Variants in CRADD observed in about 807,000 individuals in gnomAD.
CRADD encodes the protein death domain-containing protein CRADD.
In CRADD, 9 loss-of-function variants were observed where a neutral mutation model predicts 15.5. That is an observed-to-expected ratio of 0.58 (90% CI 0.35 to 1.01). The LOEUF (loss-of-function observed/expected upper bound fraction) is 1.01. Ranked by LOEUF, CRADD falls within the 50% of genes least tolerant of loss-of-function variation. The pLI is 0.02. For synonymous variants in CRADD, 118 were observed against 107.6 expected (o/e 1.10, Z -0.60); for missense variants, 227 against 250.3 (o/e 0.91, Z 0.63).
intron 2 of CRADD, among the ~76,000 whole-genome samples, chr12:93,688,464 C>T (rs1378615999): frequency 3.3e-5 from 5 of 149,482 alleles, no homozygotes; most frequent in African/African-American, 1.2e-4. Context: ...GAGCACACTC[C>T]ATCCTGGGTG....
intron 2 of CRADD, among the ~76,000 whole-genome samples, chr12:93,884,206 A>C (rs1432499943): frequency 6.6e-6 from 1 of 152,220 alleles, no homozygotes; most frequent in Non-Finnish European, 1.5e-5. Context: ...AAAGTACTGC[A>C]TTTTATTAAT....
intron 2 of CRADD, among the ~76,000 whole-genome samples, chr12:93,756,392 C>T (rs886064320): frequency 6.6e-6 from 1 of 152,178 alleles, no homozygotes; most frequent in Admixed American, 6.5e-5. Flanking sequence ...AGCACCCTCA[C>T]TAAAAGGAAT....
At chr12:93,725,686 A>G (rs1956350613) in intron 2 of CRADD, among the ~76,000 whole-genome samples, 1 of 152,240 alleles carries the variant, frequency 6.6e-6, no homozygotes, top group Non-Finnish European at 1.5e-5. Context: ...CTGTTAATGG[A>G]AAGCATTTGC....
chr12:93,702,055 C>G (rs1955853424), intron 2 of CRADD, among the ~76,000 whole-genome samples: 1 of 152,026 alleles, frequency 6.6e-6, no homozygotes, highest in African/African-American at 2.4e-5. Flanking sequence ...TTCCCTAGCT[C>G]CCTCTCACCA....
intron 2 of CRADD, among the ~76,000 whole-genome samples, chr12:93,774,000 A>ATTT (rs112039885): frequency 3.0e-5 from 4 of 131,836 alleles, no homozygotes; most frequent in East Asian, 2.2e-4. Flanking sequence ...CACCTGGCTA[A>ATTT]TTTTTTTTTT....
chr12:93,835,025 T>G (rs1310021597), intron 2 of CRADD, among the ~76,000 whole-genome samples: 1 of 152,264 alleles, frequency 6.6e-6, no homozygotes, highest in Non-Finnish European at 1.5e-5. Context: ...CACTGCATCC[T>G]TTATTGCCTG....
At chr12:93,737,468 C>T (rs538038411) in intron 2 of CRADD, among the ~76,000 whole-genome samples, 1 of 152,320 alleles carries the variant, frequency 6.6e-6, no homozygotes, top group East Asian at 1.9e-4. Context: ...AAACTTAGTA[C>T]TAATCTGCAT....
At chr12:93,782,847 C>G (rs1957227295) in intron 2 of CRADD, among the ~76,000 whole-genome samples, 1 of 152,020 alleles carries the variant, frequency 6.6e-6, no homozygotes, top group Admixed American at 6.5e-5. Flanking sequence ...AGGCCTAAGA[C>G]TCTTTAAAAA....
chr12:93,843,690 C>A (rs1295090362), intron 2 of CRADD, among the ~76,000 whole-genome samples: 3 of 150,946 alleles, frequency 2.0e-5, no homozygotes, highest in Non-Finnish European at 4.4e-5. Context: ...TAATTTAATG[C>A]TTTTCTTTAA....
intron 2 of CRADD, among the ~76,000 whole-genome samples, chr12:93,789,271 A>G (rs558069076): frequency 6.6e-6 from 1 of 151,970 alleles, no homozygotes; most frequent in East Asian, 1.9e-4. Flanking sequence ...CCTCCAGCGG[A>G]TTGCCTGGGA....
chr12:93,735,939 T>C (rs1016742294), intron 2 of CRADD, among the ~76,000 whole-genome samples: 5 of 151,750 alleles, frequency 3.3e-5, no homozygotes, highest in Admixed American at 6.6e-5. Flanking sequence ...AGGCCTGTAT[T>C]TCCATCTAGT....
chr12:93,780,746 T>A (rs954581339), intron 2 of CRADD, among the ~76,000 whole-genome samples: 1 of 151,972 alleles, frequency 6.6e-6, no homozygotes, highest in East Asian at 1.9e-4. Flanking sequence ...ATTACCTTTT[T>A]TTTTTTTTTG....
intron 2 of CRADD, chr12:93,815,476 T>G (rs1222244652): frequency 6.6e-6 from 1 of 152,226 alleles, no homozygotes; most frequent in Non-Finnish European, 1.5e-5. Flanking sequence ...ATACACAACA[T>G]TTTCTGTAAG....
intron 2 of CRADD, among the ~76,000 whole-genome samples, chr12:93,812,258 G>A (rs929515576): frequency 3.9e-5 from 6 of 152,152 alleles, no homozygotes; most frequent in African/African-American, 1.4e-4. Flanking sequence ...ATGTCGTTGT[G>A]TATTTGACAA....
intron 2 of CRADD, among the ~76,000 whole-genome samples, chr12:93,720,494 G>C (rs896077642): frequency 6.6e-6 from 1 of 152,116 alleles, no homozygotes; most frequent in African/African-American, 2.4e-5. Flanking sequence ...TGCTAGATAT[G>C]CCTATTTCTG....
At chr12:93,782,258 T>C (rs1337692354) in intron 2 of CRADD, among the ~76,000 whole-genome samples, 4 of 148,242 alleles carry the variant, frequency 2.7e-5, no homozygotes, top group African/African-American at 1.0e-4. Context: ...AACCAAACAC[T>C]GCATGTTCTC....
intron 2 of CRADD, among the ~76,000 whole-genome samples, chr12:93,752,019 AC>A (rs1380319664): frequency 6.6e-6 from 1 of 152,082 alleles, no homozygotes; most frequent in Non-Finnish European, 1.5e-5. Context: ...GCAAGTAACT[AC>A]CTGCAGTGTA....
rs191281216 is a variant in CRADD, at chr12:93,763,466, T to C, written c.298+84394T>C. ...AATATTTTCTTCTTTTTTTTTTTCATGTGGATAAACTGCCTCCCTCATTTT... is the reference window on the plus strand; with the variant it reads ...AATATTTTCTTCTTTTTTTTTTTCACGTGGATAAACTGCCTCCCTCATTTT... On this transcript the variant is annotated intron_variant, in intron 2 of 2. Coordinates refer to ENST00000332896, the MANE Select transcript of CRADD (RefSeq NM_003805.5). Among the ~76,000 whole-genome samples, 206 of 152,066 alleles carry C rather than the reference T, an allele frequency of 1.4e-3. 1 individual carries two copies. Among genetic ancestry groups the C allele is most frequent in the African/African-American group, 4.7e-3 (194 of 41,480 alleles).
At chr12:93,801,389 A>G (rs1345940656) in intron 2 of CRADD, among the ~76,000 whole-genome samples, 1 of 151,932 alleles carries the variant, frequency 6.6e-6, no homozygotes, top group East Asian at 1.9e-4. Context: ...CTTAGGCCCT[A>G]TTTTATTTTA....
Sources: allele counts gnomAD v4.1 joint callset (sites outside exome capture counted in the v4.1 genomes callset), GRCh38; gene constraint gnomAD v4.1.1; transcripts MANE v1.5; gene names NCBI Gene and HGNC (gene_info 2026-07-23, HGNC 2026-07-21).